Variants in BMPR1B observed in about 807,000 individuals in gnomAD.
The protein encoded by BMPR1B is bone morphogenetic protein receptor type-1B.
Under a neutral mutation model 59.1 loss-of-function variants are expected in BMPR1B, and 12 were observed. The observed-to-expected ratio is 0.20, with a 90% CI of 0.13 to 0.33. BMPR1B has a LOEUF of 0.33. BMPR1B is among the 10% of genes least tolerant of loss of function. The pLI, the probability that BMPR1B is intolerant of heterozygous loss-of-function variation, is 1.00. For missense variants in BMPR1B, 550 were observed against 610.9 expected (o/e 0.90, Z 1.05); for synonymous variants, 237 against 207.3 (o/e 1.14, Z -1.23).
chr4:94,787,092 C>G (rs1315828543), intron 1 of BMPR1B, among the ~76,000 whole-genome samples: 1 of 152,178 alleles, frequency 6.6e-6, no homozygotes, highest in Non-Finnish European at 1.5e-5. Flanking sequence ...GGGATCAATA[C>G]CAAGCCCTTG....
At chr4:95,069,854 C>T (rs1728141247) in intron 3 of BMPR1B, among the ~76,000 whole-genome samples, 1 of 152,182 alleles carries the variant, frequency 6.6e-6, no homozygotes, top group Non-Finnish European at 1.5e-5. Context: ...AATCCCAACA[C>T]TTTGGGAGGC....
intron 1 of BMPR1B, among the ~76,000 whole-genome samples, chr4:94,775,019 A>G (rs1722318178): frequency 6.6e-6 from 1 of 152,172 alleles, no homozygotes; most frequent in Non-Finnish European, 1.5e-5. Context: ...AAAAAGGAAA[A>G]AAATTCTCTT....
chr4:94,783,764 G>A (rs1468557594), intron 1 of BMPR1B, among the ~76,000 whole-genome samples: 5 of 151,790 alleles, frequency 3.3e-5, no homozygotes, highest in Non-Finnish European at 7.4e-5. Context: ...GGTGTAGAGC[G>A]TTTACCCTGT....
chr4:95,082,726 T>C (rs1435274562), intron 3 of BMPR1B, among the ~76,000 whole-genome samples: 2 of 151,922 alleles, frequency 1.3e-5, no homozygotes, highest in Non-Finnish European at 2.9e-5. Flanking sequence ...GAAAAAAGAG[T>C]ACATGTAAGT....
At chr4:95,125,885 A>G (rs1229579155) in intron 8 of BMPR1B, among the ~76,000 whole-genome samples, 7 of 152,188 alleles carry the variant, frequency 4.6e-5, no homozygotes, top group Non-Finnish European at 1.0e-4. Context: ...TGTGTGGCAC[A>G]TAAACTCAAC....
At chr4:94,770,556 T>C (rs1490574072) in intron 1 of BMPR1B, among the ~76,000 whole-genome samples, 1 of 152,128 alleles carries the variant, frequency 6.6e-6, no homozygotes, top group East Asian at 1.9e-4. Flanking sequence ...GCCCACTGAC[T>C]TGGCATTTCA....
intron 3 of BMPR1B, among the ~76,000 whole-genome samples, chr4:95,018,068 T>C (rs1327693276): frequency 6.6e-6 from 1 of 152,184 alleles, no homozygotes; most frequent in Non-Finnish European, 1.5e-5. Flanking sequence ...TCAGTTCACA[T>C]TAAGTAAAGC....
intron 4 of BMPR1B, among the ~76,000 whole-genome samples, chr4:95,109,463 C>G (rs547835842): frequency 5.3e-4 from 80 of 152,180 alleles, no homozygotes; most frequent in African/African-American, 1.9e-3. Context: ...GGTATGTTTT[C>G]AAACAGGTGC....
At chr4:94,875,127 A>G (rs1344281885) in intron 1 of BMPR1B, among the ~76,000 whole-genome samples, 4 of 152,174 alleles carry the variant, frequency 2.6e-5, no homozygotes, top group Non-Finnish European at 5.9e-5. Context: ...GAGAAACATC[A>G]TATGGTGTCT....
intron 3 of BMPR1B, among the ~76,000 whole-genome samples, chr4:95,078,573 G>A (rs541740900): frequency 6.6e-6 from 1 of 152,240 alleles, no homozygotes; most frequent in South Asian, 2.1e-4. Context: ...AATGAATTTA[G>A]TCAAAGCCAT....
At chr4:95,132,425 C>T (rs550488113) in intron 10 of BMPR1B, among the ~76,000 whole-genome samples, 2 of 152,132 alleles carry the variant, frequency 1.3e-5, no homozygotes, top group Admixed American at 1.3e-4. Context: ...GTATTTTCGG[C>T]CAGAACTGAA....
chr4:94,761,878 C>A (rs560659372), intron 1 of BMPR1B, among the ~76,000 whole-genome samples: 1 of 152,030 alleles, frequency 6.6e-6, no homozygotes, highest in Non-Finnish European at 1.5e-5. Flanking sequence ...TATAGGCAGG[C>A]CAGAATTCAG....
At position 95,152,762 on chromosome 4, in the gene BMPR1B, A is replaced by G; in HGVS notation, c.1372A>G (p.Ser458Gly). Reference protein sequence around the residue: ...KLRPSFPNRWSSDECLRQMGK... With the variant: ...KLRPSFPNRWGSDECLRQMGK... ...ACGCCCCTCATTCCCAAACCGGTGG[A>G]GCAGTGATGAGGTAAGGCTTGAGGT... The change falls in exon 12 of 13, where the codon AGC becomes GGC. Residue 458 changes from serine (S) to glycine (G), a missense_variant. Coordinates refer to ENST00000515059, the MANE Select transcript of BMPR1B (RefSeq NM_001203.3). 1 of 1,612,110 alleles carries G rather than the reference A, an allele frequency of 6.2e-7. No individual in the cohort carries two copies. Among genetic ancestry groups the G allele is most frequent in the African/African-American group, 1.3e-5 (1 of 74,978 alleles).
At chr4:94,904,944 T>C (rs184124663) in intron 2 of BMPR1B, among the ~76,000 whole-genome samples, 18 of 152,204 alleles carry the variant, frequency 1.2e-4, no homozygotes, top group African/African-American at 3.1e-4. Flanking sequence ...CTGCCCTAAA[T>C]TTTAAGGATT....
At chr4:94,798,038 G>A (rs1198326261) in intron 1 of BMPR1B, among the ~76,000 whole-genome samples, 1 of 152,100 alleles carries the variant, frequency 6.6e-6, no homozygotes, top group Non-Finnish European at 1.5e-5. Flanking sequence ...CTACCATTGT[G>A]TTTACCACTT....
intron 3 of BMPR1B, among the ~76,000 whole-genome samples, chr4:95,085,087 C>T (rs953917050): frequency 2.6e-5 from 4 of 152,236 alleles, no homozygotes; most frequent in Admixed American, 2.0e-4. Context: ...AGTTCTCATC[C>T]CCTTTCTTCC....
intron 4 of BMPR1B, among the ~76,000 whole-genome samples, chr4:95,105,823 T>C (rs1332899708): frequency 2.0e-5 from 3 of 151,862 alleles, no homozygotes; most frequent in Non-Finnish European, 4.4e-5. Flanking sequence ...TTATAGTAAA[T>C]AGAAAAAGTA....
chr4:95,137,774 T>G (rs1733908859), intron 10 of BMPR1B, among the ~76,000 whole-genome samples: 1 of 152,184 alleles, frequency 6.6e-6, no homozygotes, highest in Non-Finnish European at 1.5e-5. Context: ...TCTTCCTCCA[T>G]CCCTTTATTT....
At chr4:94,932,396 C>A (rs912883819) in intron 2 of BMPR1B, among the ~76,000 whole-genome samples, 1 of 152,134 alleles carries the variant, frequency 6.6e-6, no homozygotes, top group Non-Finnish European at 1.5e-5. Context: ...ACAGATATCA[C>A]TATTCTTAGT....
Sources: gnomAD v4.1 joint callset for allele counts (sites outside exome capture counted in the v4.1 genomes callset) on GRCh38, gnomAD v4.1.1 for gene constraint, MANE v1.5 for transcripts, NCBI Gene and HGNC (gene_info 2026-07-23, HGNC 2026-07-21) for gene names.